ASPG: variants seen among roughly 807,000 people sequenced by gnomAD.
The protein encoded by ASPG is asparaginase.
ASPG carries 53 observed loss-of-function variants against 63.2 expected under a neutral mutation model. The observed-to-expected ratio is 0.84, with a 90% CI of 0.67 to 1.05. ASPG has a LOEUF of 1.05. Among genes scored for constraint, ASPG ranks in the 50% least tolerant of loss-of-function variants. ASPG has a pLI of 0.00. For synonymous variants in ASPG, 370 were observed against 355.0 expected (o/e 1.04, Z -0.48); for missense variants, 741 against 794.4 (o/e 0.93, Z 0.81).
chr14:104,093,089 C>T (rs944008366), intron 2 of ASPG: 5 of 468,284 alleles, frequency 1.1e-5, no homozygotes, highest in African/African-American at 9.8e-5. Flanking sequence ...CCTTCCATTT[C>T]TCAGCTCTGG....
At chr14:104,108,482 G>A (rs529558932) in intron 12 of ASPG, 1 of 985,328 alleles carries the variant, frequency 1.0e-6, no homozygotes, top group Non-Finnish European at 1.2e-6. Context: ...TGGCCCTGCT[G>A]TGCCTGAGTG....
intron 6 of ASPG, among the ~76,000 whole-genome samples, chr14:104,099,466 C>T (rs745995509): frequency 6.6e-6 from 1 of 152,196 alleles, no homozygotes; most frequent in Non-Finnish European, 1.5e-5. Flanking sequence ...CGCCCCCTGG[C>T]CCTGGCTGTA....
chr14:104,108,197 C>T (rs2037225005), intron 12 of ASPG, among the ~76,000 whole-genome samples: 1 of 152,010 alleles, frequency 6.6e-6, no homozygotes. Flanking sequence ...TTTCCAGCCT[C>T]CTGTGATCAT....
At chr14:104,097,776 G>A in intron 5 of ASPG, 139 bp downstream of exon 5, 4 of 747,592 alleles carry the variant, frequency 5.4e-6, no homozygotes, top group Non-Finnish European at 8.7e-6. Context: ...TAGATCTTAT[G>A]TTGTGGATAT....
chr14:104,096,881 C>T (rs937860470), intron 4 of ASPG, among the ~76,000 whole-genome samples: 12 of 152,236 alleles, frequency 7.9e-5, no homozygotes, highest in African/African-American at 2.2e-4. Context: ...GACCACTTCC[C>T]GGCCGCCTCC....
intron 15 of ASPG, 74 bp downstream of exon 15, chr14:104,112,074 G>C: frequency 1.4e-6 from 2 of 1,405,916 alleles, no homozygotes; most frequent in Non-Finnish European, 9.7e-7. Context: ...TGGCTCGGGG[G>C]GGCGTAATCA....
chr14:104,097,944 T>TAC (rs1566830181), intron 5 of ASPG, among the ~76,000 whole-genome samples: 13 of 124,794 alleles, frequency 1.0e-4, no homozygotes, highest in African/African-American at 3.4e-4. Context: ...ATGGAGGTTC[T>TAC]GTGTTAGAGA....
intron 15 of ASPG, 57 bp from the exon 16 acceptor site, chr14:104,112,467 C>T (rs762561738): frequency 3.0e-6 from 3 of 1,006,260 alleles, no homozygotes; most frequent in Non-Finnish European, 4.8e-6. Context: ...GCTTGTCTCT[C>T]TGCCCTGCCT....
chr14:104,111,441 G>T, intron 13 of ASPG, 61 bp from the exon 14 acceptor site: 1 of 1,405,742 alleles, frequency 7.1e-7, no homozygotes, highest in Non-Finnish European at 9.8e-7. Flanking sequence ...GGACAGGCAC[G>T]TGGGCAGATG....
intron 1 of ASPG, among the ~76,000 whole-genome samples, chr14:104,086,328 C>T (rs934133287): frequency 1.3e-4 from 20 of 152,288 alleles, no homozygotes; most frequent in African/African-American, 4.3e-4. Context: ...GTGGTTGGCA[C>T]GATACTGGGG....
At chr14:104,100,641 G>A (rs2036834999) in intron 6 of ASPG, among the ~76,000 whole-genome samples, 1 of 152,192 alleles carries the variant, frequency 6.6e-6, no homozygotes, top group Non-Finnish European at 1.5e-5. Context: ...GGGAGTGTGA[G>A]GCCCAGAACA....
intron 12 of ASPG, among the ~76,000 whole-genome samples, chr14:104,107,600 G>T (rs1277708037): frequency 6.6e-6 from 1 of 152,170 alleles, no homozygotes; most frequent in African/African-American, 2.4e-5. Context: ...CTGGGGTGGA[G>T]GTGGGGCAGA....
At chr14:104,101,125 C>T (rs558675894) in intron 6 of ASPG, among the ~76,000 whole-genome samples, 2 of 152,320 alleles carry the variant, frequency 1.3e-5, no homozygotes, top group Admixed American at 6.5e-5. Flanking sequence ...TGCCCTGGCC[C>T]CAGCCCCCCA....
At position 104,099,127 on chromosome 14, in the gene ASPG, T is replaced by C; in HGVS notation, c.640+148T>C. On this transcript the variant is annotated intron_variant, in intron 6 of 15. Transcript: ENST00000551177. ...GCCCTGGCTTGGTTCTGCCCTGGGCTGTGGAGAAGCCAGGGCTGCGTGGAC... is the reference window on the plus strand; with the variant it reads ...GCCCTGGCTTGGTTCTGCCCTGGGCCGTGGAGAAGCCAGGGCTGCGTGGAC... 8.3e-6 allele frequency: 11 copies of C among 1,328,504 alleles called. No homozygotes were observed. The South Asian group carries it at 1.6e-4, about 19-fold the overall frequency. The allele number at this position is 1,328,504 out of a possible 1,614,324, so 82.3% of individuals were successfully genotyped here.
chr14:104,094,456 C>T (rs985867543), intron 3 of ASPG, among the ~76,000 whole-genome samples: 41 of 151,830 alleles, frequency 2.7e-4, no homozygotes, highest in Admixed American at 2.4e-3. Context: ...AACCACCCCC[C>T]GCCCCATCAG....
Position 104,112,019 on chromosome 14 carries a change from C to T in ASPG, c.1701+19C>T, listed in dbSNP as rs928868020. The T allele has an allele frequency of 9.7e-6, 15 of 1,545,794 alleles. No individual in the cohort carries two copies. Among genetic ancestry groups the T allele is most frequent in the East Asian group, 2.4e-5 (1 of 40,900 alleles). On this transcript the variant is annotated intron_variant, in intron 15 of 15. Transcript: ENST00000551177. ...ATGCCCAGTAAGTCCCCACCCCAGG[C>T]GGGGCTGACACCCCCCAGTGAGCTT...
rs1350485968 is a variant in ASPG at position 104,110,272 on chromosome 14, G to C, written c.1520+957G>C. ...GGGGGCTCGGCTCACTGGCTGGGAG[G>C]GGGTGGGTGCAGGCGCCTGCCCAGC... On this transcript the variant is annotated intron_variant, in intron 13 of 15. Transcript: ENST00000551177. This position sits in a 1 kb window ranked among gnomAD's most constrained non-coding sequence, Gnocchi z 4.7. The C allele has an allele frequency of 1.0e-6, 1 of 985,166 alleles. No individual in the cohort carries two copies. The highest frequency in any genetic ancestry group is 1.7e-5 in the African/African-American group (1 of 57,196). The allele number at this position is 985,166 out of a possible 1,614,324, so 61.0% of individuals were successfully genotyped here.
Position 104,097,568 on chromosome 14 carries a change from C to G in ASPG, c.444C>G (p.Ala148=). 2 of 1,555,560 alleles carry G rather than the reference C, an allele frequency of 1.3e-6. No individual in the cohort carries two copies. The highest frequency in any genetic ancestry group is 1.7e-6 in the Non-Finnish European group (2 of 1,149,986). Residue 148 remains alanine (A), a synonymous_variant, in exon 5 of 16, where the codon GCC becomes GCG. Coordinates refer to ENST00000551177, the MANE Select transcript of ASPG (RefSeq NM_001080464.3). ...ILTGAQVPIH[A]LWSDGRENLL... ...CTCTCCCCCAGGTGCCCATCCATGC[C>G]CTGTGGAGCGACGGCCGTGAGAACC...
Position 104,092,713 on chromosome 14 carries a change from G to A in ASPG, c.163G>A (p.Gly55Ser), listed in dbSNP as rs988442636. The A allele has an allele frequency of 8.5e-6, 13 of 1,536,978 alleles. No homozygotes were observed. The highest frequency in any genetic ancestry group is 2.1e-4 in the Middle Eastern group (1 of 4,706). Residue 55 changes from glycine to serine, a missense_variant, in exon 2 of 16, where the codon GGC becomes AGC. By Grantham distance (56) the Gly-to-Ser change is moderately conservative. Coordinates refer to ENST00000551177, the MANE Select transcript of ASPG (RefSeq NM_001080464.3). ...FHDEEHARARGLSEDTLVLPP... is the reference protein window; with the variant it reads ...FHDEEHARARSLSEDTLVLPP... ...TGACGAGGAGCACGCCCGAGCCCGC[G>A]GCCTCTCTGAGGACACCCTGGTGCT...
Sources: gnomAD v4.1 joint callset for allele counts (sites outside exome capture counted in the v4.1 genomes callset) on GRCh38, gnomAD v4.1.1 for gene constraint, Gnocchi (gnomAD v3.1) non-coding constraint, MANE v1.5 for transcripts, NCBI Gene and HGNC (gene_info 2026-07-23, HGNC 2026-07-21) for gene names.